Variants in PRKCA observed in about 807,000 individuals in gnomAD.
The protein encoded by PRKCA is protein kinase C alpha, also known as protein kinase C alpha type.
PRKCA carries 27 observed loss-of-function variants against 87.0 expected under a neutral mutation model. The ratio of observed to expected loss-of-function variants is 0.31; its 90% CI spans 0.23 to 0.43. The LOEUF is 0.43. PRKCA is among the 20% of genes least tolerant of loss of function. PRKCA has a pLI of 1.00. For missense variants in PRKCA, 518 were observed against 852.3 expected (o/e 0.61, Z 4.88); for synonymous variants, 329 against 311.1 (o/e 1.06, Z -0.61).
chr17:66,329,073 T>TG (rs1415199815), intron 2 of PRKCA, among the ~76,000 whole-genome samples: 2 of 152,306 alleles, frequency 1.3e-5, no homozygotes, highest in Admixed American at 1.3e-4. Flanking sequence ...CAAGAATGGA[T>TG]GGGGCAGCCT....
intron 2 of PRKCA, among the ~76,000 whole-genome samples, chr17:66,367,790 C>A (rs1303780616): frequency 6.6e-6 from 1 of 152,172 alleles, no homozygotes; most frequent in African/African-American, 2.4e-5. Context: ...TTAATTATGT[C>A]TTCTCATTTG....
chr17:66,619,496 A>T (rs1263308281), intron 3 of PRKCA, among the ~76,000 whole-genome samples: 3 of 152,226 alleles, frequency 2.0e-5, no homozygotes, highest in Non-Finnish European at 2.9e-5. Context: ...GCACTTTCAC[A>T]TGGCCTATTT....
chr17:66,456,203 T>A (rs2143942598), intron 2 of PRKCA, among the ~76,000 whole-genome samples: 1 of 152,182 alleles, frequency 6.6e-6, no homozygotes, highest in East Asian at 1.9e-4. Flanking sequence ...CATCAATGCC[T>A]TGATTCCAGA....
chr17:66,805,141 T>A lies in PRKCA; in HGVS notation c.*1104T>A, dbSNP rs1428395649. The A allele has an allele frequency of 1.0e-6, 1 of 983,222 alleles. No homozygotes were observed. Among genetic ancestry groups the A allele is most frequent in the Admixed American group, 6.1e-5 (1 of 16,272 alleles). 60.9% of individuals were successfully genotyped at this position (983,222 alleles called of 1,614,324 possible). On this transcript the variant is annotated 3_prime_UTR_variant, in exon 17 of 17. Coordinates refer to ENST00000413366, the MANE Select transcript of PRKCA (RefSeq NM_002737.3). ...TGTCCACTTAGGGATAAAAAGAATATGGTTTTGGTTCCCATTTCTAGTTCA... is the reference window on the plus strand; with the variant it reads ...TGTCCACTTAGGGATAAAAAGAATAAGGTTTTGGTTCCCATTTCTAGTTCA...
intron 8 of PRKCA, among the ~76,000 whole-genome samples, chr17:66,717,898 C>T (rs573685005): frequency 4.9e-4 from 74 of 152,300 alleles, no homozygotes; most frequent in African/African-American, 1.4e-3. Flanking sequence ...CTGTGATTCC[C>T]GCCTCCGGGA....
At chr17:66,568,295 C>T (rs1393807062) in intron 3 of PRKCA, among the ~76,000 whole-genome samples, 2 of 152,190 alleles carry the variant, frequency 1.3e-5, no homozygotes, top group Non-Finnish European at 2.9e-5. Context: ...GCCTAGACGA[C>T]AGAATAAGAC....
intron 8 of PRKCA, among the ~76,000 whole-genome samples, chr17:66,720,488 G>C (rs559269018): frequency 1.3e-5 from 2 of 152,184 alleles, no homozygotes; most frequent in African/African-American, 4.8e-5. Context: ...TAACGATACC[G>C]TGAAAACCCT....
chr17:66,434,520 C>A (rs183791948), intron 2 of PRKCA, among the ~76,000 whole-genome samples: 7 of 152,088 alleles, frequency 4.6e-5, no homozygotes, highest in African/African-American at 1.4e-4. Flanking sequence ...TTCCAGCCAC[C>A]GCTGCTGGAG....
At chr17:66,791,285 T>G (rs1335173416) in intron 16 of PRKCA, among the ~76,000 whole-genome samples, 2 of 149,122 alleles carry the variant, frequency 1.3e-5, no homozygotes, top group Non-Finnish European at 3.0e-5. Context: ...AAACTGGAGG[T>G]TTCATGCAAA....
chr17:66,660,516 A>G (rs899509857), intron 5 of PRKCA, among the ~76,000 whole-genome samples: 1 of 152,070 alleles, frequency 6.6e-6, no homozygotes, highest in Non-Finnish European at 1.5e-5. Flanking sequence ...ATTCTGTCCC[A>G]TGGTCCATCC....
intron 13 of PRKCA, among the ~76,000 whole-genome samples, chr17:66,758,305 G>C (rs1028211507): frequency 6.6e-6 from 1 of 152,240 alleles, no homozygotes. Context: ...CAGGGTTTGT[G>C]TGTCAGAGTG....
rs67339544 is a variant in PRKCA at position 66,320,388 on chromosome 17, TA to T, written c.205+14268del. 8.8e-4 allele frequency among the ~76,000 whole-genome samples: 125 copies of T among 141,878 alleles called. No individual in the cohort carries two copies. The Middle Eastern group carries it at 0.011, about 13-fold the overall frequency. The allele number at this position is 141,878 out of a possible 152,430, so 93.1% of individuals were successfully genotyped here. A position where few individuals can be genotyped will look rare whatever the true frequency, so the allele number is the denominator to read the frequency against. Reference sequence around the variant, plus strand: ...CATCCAATACTCTATTTTTTTTTTTTAAAAAAAGAAAGCATGAGGGAATCTG... The same window carrying T: ...CATCCAATACTCTATTTTTTTTTTTTAAAAAAGAAAGCATGAGGGAATCTG... On this transcript the variant is annotated intron_variant, in intron 2 of 16. Coordinates refer to ENST00000413366, the MANE Select transcript of PRKCA (RefSeq NM_002737.3).
chr17:66,615,992 A>G (rs1041279124), intron 3 of PRKCA, among the ~76,000 whole-genome samples: 1 of 152,172 alleles, frequency 6.6e-6, no homozygotes, highest in Non-Finnish European at 1.5e-5. Context: ...AGCTTTGCTC[A>G]ATGCCTTGCT....
rs766965997 is a variant in PRKCA at position 66,755,468 on chromosome 17, C to G, written c.1524+12708C>G. ...CTTCCTGGCCCAAAGCCCAGGAGACCGCTGAACCCCACTGCCTGGCATTAT... is the reference window on the plus strand; with the variant it reads ...CTTCCTGGCCCAAAGCCCAGGAGACGGCTGAACCCCACTGCCTGGCATTAT... On this transcript the variant is annotated intron_variant, in intron 13 of 16. Transcript: ENST00000413366. Among the ~76,000 whole-genome samples, 4 of 152,292 alleles carry G rather than the reference C, an allele frequency of 2.6e-5. No individual in the cohort carries two copies. The East Asian group carries it at 7.7e-4, about 29-fold the overall frequency.
intron 2 of PRKCA, among the ~76,000 whole-genome samples, chr17:66,418,498 C>G (rs571430181): frequency 1.1e-4 from 16 of 150,782 alleles, no homozygotes; most frequent in Non-Finnish European, 5.9e-5. Flanking sequence ...TGCAGTGGCG[C>G]GATCTCAGCT....
chr17:66,480,210 C>T lies in PRKCA; in HGVS notation c.206-15991C>T, dbSNP rs899821288. Among the ~76,000 whole-genome samples the T allele has an allele frequency of 3.3e-5, 5 of 152,170 alleles. No homozygotes were observed. In the South Asian group the frequency reaches 6.2e-4, roughly 19 times the overall value. ...GGAGACTTTCCTAGTTCCTTTGTCTCGTGTTTTTCCCCAGTTGCTCTCCAC... is the reference window on the plus strand; with the variant it reads ...GGAGACTTTCCTAGTTCCTTTGTCTTGTGTTTTTCCCCAGTTGCTCTCCAC... On this transcript the variant is annotated intron_variant, in intron 2 of 16. Coordinates refer to ENST00000413366, the MANE Select transcript of PRKCA (RefSeq NM_002737.3).
rs559466244 is a variant in PRKCA, at chr17:66,510,772, G to T, written c.288+14489G>T. Among the ~76,000 whole-genome samples the T allele has an allele frequency of 1.5e-3, 231 of 152,094 alleles. 3 individuals carry two copies. The highest frequency in any genetic ancestry group is 1.9e-3 in the Admixed American group (29 of 15,278). On this transcript the variant is annotated intron_variant, in intron 3 of 16. Coordinates refer to ENST00000413366, the MANE Select transcript of PRKCA (RefSeq NM_002737.3). Reference sequence around the variant, plus strand: ...TTTTATTATTTTTTTTTGAGATGGGGTCTCACTCTGTCGCCCAAGCTGGAG... The same window carrying T: ...TTTTATTATTTTTTTTTGAGATGGGTTCTCACTCTGTCGCCCAAGCTGGAG...
At chr17:66,649,304 A>C (rs1971531193) in intron 5 of PRKCA, among the ~76,000 whole-genome samples, 1 of 152,124 alleles carries the variant, frequency 6.6e-6, no homozygotes, top group South Asian at 2.1e-4. Flanking sequence ...CCTTCTCCCA[A>C]CCAAATAGTT....
At chr17:66,553,332 A>T (rs1968400007) in intron 3 of PRKCA, among the ~76,000 whole-genome samples, 1 of 152,172 alleles carries the variant, frequency 6.6e-6, no homozygotes, top group Non-Finnish European at 1.5e-5. Context: ...ATGAGATTGG[A>T]TCAAATGTCT....
Sources: allele counts gnomAD v4.1 joint callset (sites outside exome capture counted in the v4.1 genomes callset), GRCh38; gene constraint gnomAD v4.1.1; transcripts MANE v1.5; gene names NCBI Gene and HGNC (gene_info 2026-07-23, HGNC 2026-07-21).